The following EEFSEC variants were observed in gnomAD, a reference collection of about 807,000 sequenced individuals.
EEFSEC encodes selenocysteine-specific elongation factor.
A neutral mutation model predicts 42.1 loss-of-function variants in EEFSEC; 43 were observed. The ratio of observed to expected loss-of-function variants is 1.02; its 90% CI spans 0.80 to 1.32. EEFSEC has a LOEUF of 1.32. EEFSEC is among the 40% of genes most tolerant of loss of function. The pLI is 0.00. For synonymous variants in EEFSEC, 354 were observed against 339.1 expected (o/e 1.04, Z -0.48); for missense variants, 745 against 803.6 (o/e 0.93, Z 0.88).
At chr3:128,402,417 GT>G (rs2068058734) in intron 6 of EEFSEC, among the ~76,000 whole-genome samples, 1 of 152,196 alleles carries the variant, frequency 6.6e-6, no homozygotes, top group South Asian at 2.1e-4. Context: ...TGCTGGATGG[GT>G]CTGCTGGCCT....
intron 1 of EEFSEC, among the ~76,000 whole-genome samples, chr3:128,223,249 C>T (rs1181531702): frequency 1.3e-5 from 2 of 152,248 alleles, no homozygotes; most frequent in Non-Finnish European, 2.9e-5. Context: ...CCCTCCCAGG[C>T]TTCACCCCAT....
chr3:128,418,949 C>A, the EEFSEC span, among the ~76,000 whole-genome samples: 3 of 152,208 alleles, frequency 2.0e-5, no homozygotes, highest in African/African-American at 7.2e-5. Context: ...ACATGTCCCT[C>A]CCTGACTCCA....
At chr3:128,184,640 G>A (rs1469530054) in intron 1 of EEFSEC, among the ~76,000 whole-genome samples, 2 of 152,054 alleles carry the variant, frequency 1.3e-5, no homozygotes, top group Non-Finnish European at 2.9e-5. Context: ...TTGGCTTAAC[G>A]TGTATTTTTC....
At chr3:128,343,571 T>C (rs2067279726) in intron 5 of EEFSEC, among the ~76,000 whole-genome samples, 2 of 152,208 alleles carry the variant, frequency 1.3e-5, no homozygotes, top group Admixed American at 1.3e-4. Context: ...CCTGATTTAT[T>C]AGCAGTGTTT....
intron 3 of EEFSEC, among the ~76,000 whole-genome samples, chr3:128,263,281 G>A (rs185540563): frequency 3.9e-5 from 6 of 152,334 alleles, no homozygotes; most frequent in Admixed American, 1.3e-4. Context: ...GTCTGGCAGC[G>A]AGTTACACGG....
At chr3:128,358,095 C>T (rs890284612) in intron 5 of EEFSEC, 122 bp from the exon 6 acceptor site, 54 of 1,330,656 alleles carry the variant, frequency 4.1e-5, no homozygotes, top group Admixed American at 6.6e-5. Context: ...CACAGGGTTC[C>T]TAGAGCGGGC....
At chr3:128,424,616 C>G in the EEFSEC span, among the ~76,000 whole-genome samples, 1 of 152,074 alleles carries the variant, frequency 6.6e-6, no homozygotes, top group Non-Finnish European at 1.5e-5. Context: ...AACTCCTGTC[C>G]TCAAGTGATC....
At chr3:128,294,609 G>A (rs116099700) in intron 4 of EEFSEC, among the ~76,000 whole-genome samples, 2,402 of 152,318 alleles carry the variant, frequency 0.016, 45 homozygotes, top group African/African-American at 0.054. Context: ...GAGAGCCAAG[G>A]AAGTAGAGCA....
chr3:128,402,346 C>T (rs947437885), intron 6 of EEFSEC, among the ~76,000 whole-genome samples: 1 of 152,200 alleles, frequency 6.6e-6, no homozygotes, highest in Non-Finnish European at 1.5e-5. Flanking sequence ...CTTTGTGTAA[C>T]TTTAAACTCT....
intron 1 of EEFSEC, among the ~76,000 whole-genome samples, chr3:128,158,638 A>C (rs1034172054): frequency 6.6e-6 from 1 of 152,216 alleles, no homozygotes; most frequent in African/African-American, 2.4e-5. Context: ...AAAATTAAGG[A>C]ATGTTTATTG....
At chr3:128,232,064 C>T (rs1356245200) in intron 1 of EEFSEC, among the ~76,000 whole-genome samples, 1 of 152,178 alleles carries the variant, frequency 6.6e-6, no homozygotes, top group Non-Finnish European at 1.5e-5. Context: ...TTCCCACCCC[C>T]ACCCCCAAGC....
At chr3:128,298,586 TAGG>T (rs1454582699) in intron 4 of EEFSEC, among the ~76,000 whole-genome samples, 1 of 152,240 alleles carries the variant, frequency 6.6e-6, no homozygotes, top group Non-Finnish European at 1.5e-5. Context: ...TTCTTTATAT[TAGG>T]AGCATTCCAG....
chr3:128,411,015 T>C (rs1251767461), downstream of EEFSEC, among the ~76,000 whole-genome samples: 4 of 152,286 alleles, frequency 2.6e-5, no homozygotes, highest in South Asian at 2.1e-4. Context: ...ACCTGCTCTG[T>C]GTGGCCTGAA....
chr3:128,295,840 C>T (rs983791105), intron 4 of EEFSEC, among the ~76,000 whole-genome samples: 2 of 152,074 alleles, frequency 1.3e-5, no homozygotes, highest in African/African-American at 4.8e-5. Context: ...TTCCTCAGCC[C>T]ATTCATCCTC....
rs571856449 is a variant in EEFSEC at position 128,381,207 on chromosome 3, C to A, written c.1600+22834C>A. On this transcript the variant is annotated intron_variant, in intron 6 of 6. Transcript: ENST00000254730. ...CCTATCCATGACTTGGAGTCAGACA[C>A]CCTTGGGTTTGAATGGACCATGGGT... Among the ~76,000 whole-genome samples the A allele has an allele frequency of 7.9e-5, 12 of 152,284 alleles. No homozygotes were observed. The South Asian group carries it at 2.5e-3, about 32-fold the overall frequency.
chr3:128,223,699 G>A lies in EEFSEC; in HGVS notation c.317-23137G>A, dbSNP rs1361555461. ...TTAGTGACAACAACACAGAAATGTT[G>A]TATGATTGTCTTCGTAAAGTGCCTT... is the stretch of plus-strand genomic sequence containing the variant. On this transcript the variant is annotated intron_variant, in intron 1 of 6. Coordinates refer to ENST00000254730, the MANE Select transcript of EEFSEC (RefSeq NM_021937.5). Among the ~76,000 whole-genome samples, 3 of 152,186 alleles carry A rather than the reference G, an allele frequency of 2.0e-5. No individual in the cohort carries two copies. In the East Asian group the frequency reaches 5.8e-4, roughly 29 times the overall value.
intron 4 of EEFSEC, among the ~76,000 whole-genome samples, chr3:128,266,728 A>G (rs1229776561): frequency 1.3e-5 from 2 of 151,710 alleles, no homozygotes; most frequent in Non-Finnish European, 2.9e-5. Flanking sequence ...CCCCTCCTTT[A>G]CCTGCTGTCA....
chr3:128,403,055 T>C (rs1256261023), intron 6 of EEFSEC, among the ~76,000 whole-genome samples: 4 of 150,512 alleles, frequency 2.7e-5, no homozygotes, highest in African/African-American at 9.8e-5. Flanking sequence ...CAGGGGAGCA[T>C]GAGGGGGTTG....
chr3:128,348,278 G>A (rs549644722), intron 5 of EEFSEC, among the ~76,000 whole-genome samples: 99 of 149,574 alleles, frequency 6.6e-4, no homozygotes, highest in East Asian at 5.9e-3. Flanking sequence ...GTGCGTGTGC[G>A]TGTGTGTGTG....
Sources: allele counts gnomAD v4.1 joint callset (sites outside exome capture counted in the v4.1 genomes callset), GRCh38; gene constraint gnomAD v4.1.1; transcripts MANE v1.5; gene names NCBI Gene and HGNC (gene_info 2026-07-23, HGNC 2026-07-21).